Variants in ARHGAP12 observed in about 807,000 individuals in gnomAD.
ARHGAP12 encodes rho GTPase-activating protein 12.
Under a neutral mutation model 108.6 loss-of-function variants are expected in ARHGAP12, and 64 were observed. That is an observed-to-expected ratio of 0.59 (90% CI 0.48 to 0.73). The LOEUF (loss-of-function observed/expected upper bound fraction) is 0.73. ARHGAP12 is among the 30% of genes least tolerant of loss of function. ARHGAP12 has a pLI of 0.00. For missense variants in ARHGAP12, 940 were observed against 1,005.9 expected, an observed-to-expected ratio of 0.93 and a Z score of 0.89; for synonymous variants, 312 against 337.2, an observed-to-expected ratio of 0.93 and a Z score of 0.82.
chr10:31,869,383 AAAT>A (rs1273721999), intron 3 of ARHGAP12, among the ~76,000 whole-genome samples: 6 of 152,090 alleles, frequency 3.9e-5, no homozygotes, highest in Non-Finnish European at 1.5e-5. Flanking sequence ...CTAAAAATGC[AAAT>A]ATTAGCCAGG....
Position 31,807,495 on chromosome 10 carries a change from G to T in ARHGAP12, c.*163C>A. 1.8e-6 allele frequency: 1 copy of T among 544,298 alleles called. No homozygotes were observed. The highest frequency in any genetic ancestry group is 3.1e-6 in the Non-Finnish European group (1 of 320,482). 33.7% of individuals were successfully genotyped at this position (544,298 alleles called of 1,614,324 possible). ...TTGCAACAAAGCAGCAAATATGAGG[G>T]CCTAACACACATCTCGACTCTCCCC... On this transcript the variant is annotated 3_prime_UTR_variant, in exon 20 of 20. Coordinates refer to ENST00000344936, the MANE Select transcript of ARHGAP12 (RefSeq NM_018287.7).
At chr10:31,809,974 C>T (rs1834955308) in intron 16 of ARHGAP12, among the ~76,000 whole-genome samples, 1 of 152,122 alleles carries the variant, frequency 6.6e-6, no homozygotes, top group Non-Finnish European at 1.5e-5. Context: ...AGTGTAGTAT[C>T]CCTATTGCCA....
intron 3 of ARHGAP12, among the ~76,000 whole-genome samples, chr10:31,898,585 A>G (rs1322587887): frequency 2.0e-5 from 3 of 152,212 alleles, no homozygotes; most frequent in Non-Finnish European, 4.4e-5. Context: ...ATGCTGAATA[A>G]CGTTTCAGTA....
At chr10:31,866,869 C>T (rs972028055) in intron 3 of ARHGAP12, among the ~76,000 whole-genome samples, 1 of 152,034 alleles carries the variant, frequency 6.6e-6, no homozygotes, top group South Asian at 2.1e-4. Flanking sequence ...CCACCCGCCT[C>T]GGCCTCCCAA....
In ARHGAP12 at chr10:31,806,037, T is replaced by A. The variant is rs1564360030; in HGVS notation, c.*1621A>T. The A allele has an allele frequency of 6.6e-6, 1 of 151,784 alleles. No homozygotes were observed. Among genetic ancestry groups the A allele is most frequent in the Non-Finnish European group, 1.5e-5 (1 of 67,980 alleles). The allele number at this position is 151,784 out of a possible 1,614,324, so 9.4% of individuals were successfully genotyped here. On this transcript the variant is annotated 3_prime_UTR_variant, in exon 20 of 20. Coordinates refer to ENST00000344936, the MANE Select transcript of ARHGAP12 (RefSeq NM_018287.7). ...AAATACTTGTTCCCAAGGAAGGCAA[T>A]CTGTAAATTATAAATGCAACCCTAA...
chr10:31,842,207 G>T (rs1033563261), intron 7 of ARHGAP12, among the ~76,000 whole-genome samples: 1 of 152,086 alleles, frequency 6.6e-6, no homozygotes, highest in Non-Finnish European at 1.5e-5. Context: ...TGAAGAGGCG[G>T]TAGAGTTGGT....
In ARHGAP12 at chr10:31,890,888, T is replaced by C. The variant is rs1269618999; in HGVS notation, c.684+17284A>G. On this transcript the variant is annotated intron_variant, in intron 3 of 19. Transcript: ENST00000344936. ...CACTCTTCTTAACTGAAATTCCATT[T>C]GTATAATACTTTGTAAAATATTCCC... 5.9e-5 allele frequency among the ~76,000 whole-genome samples: 9 copies of C among 152,328 alleles called. No individual in the cohort carries two copies. The South Asian group carries it at 1.2e-3, about 21-fold the overall frequency.
intron 1 of ARHGAP12, among the ~76,000 whole-genome samples, chr10:31,921,142 C>G (rs770325097): frequency 6.6e-6 from 1 of 151,818 alleles, no homozygotes; most frequent in Non-Finnish European, 1.5e-5. Flanking sequence ...AAAAACTAGC[C>G]GGGCATGGTG....
intron 3 of ARHGAP12, among the ~76,000 whole-genome samples, chr10:31,863,416 T>C (rs73253351): frequency 0.051 from 7,693 of 152,230 alleles, 651 homozygotes; most frequent in African/African-American, 0.17. Context: ...GACTAGAACT[T>C]GGGGAAATAA....
At chr10:31,843,391 T>C (rs1003078768) in intron 7 of ARHGAP12, 70 bp downstream of exon 7, 13 of 1,431,286 alleles carry the variant, frequency 9.1e-6, no homozygotes, top group Non-Finnish European at 1.2e-5. Flanking sequence ...CATAAAATAT[T>C]AGTACGAATA....
In ARHGAP12 at chr10:31,921,164, T is replaced by C. The variant is rs1839789539; in HGVS notation, c.-111+7519A>G. Among the ~76,000 whole-genome samples the C allele has an allele frequency of 2.0e-5, 3 of 152,000 alleles. No homozygotes were observed. The South Asian group carries it at 6.2e-4, about 31-fold the overall frequency. ...AGCCGGGCATGGTGATATGCACCTG[T>C]AGTCCCAGCTACTAAGGGAGGCTGA... On this transcript the variant is annotated intron_variant, in intron 1 of 19. Transcript: ENST00000344936.
At chr10:31,888,167 T>A (rs1020377777) in intron 3 of ARHGAP12, among the ~76,000 whole-genome samples, 3 of 152,144 alleles carry the variant, frequency 2.0e-5, no homozygotes, top group African/African-American at 7.2e-5. Context: ...AAAAAGAGGA[T>A]ATGACAGACA....
chr10:31,897,724 G>A (rs551601974), intron 3 of ARHGAP12, among the ~76,000 whole-genome samples: 15 of 152,088 alleles, frequency 9.9e-5, no homozygotes, highest in Non-Finnish European at 1.9e-4. Flanking sequence ...ACCAAAAATT[G>A]CAAGGCATGC....
chr10:31,836,352 C>A (rs1470499125), intron 9 of ARHGAP12, among the ~76,000 whole-genome samples: 1 of 152,020 alleles, frequency 6.6e-6, no homozygotes, highest in Admixed American at 6.5e-5. Flanking sequence ...CCCACAAAAA[C>A]CTATTTAATC....
chr10:31,915,144 T>C (rs1425036964), intron 1 of ARHGAP12, among the ~76,000 whole-genome samples: 1 of 152,216 alleles, frequency 6.6e-6, no homozygotes, highest in East Asian at 1.9e-4. Flanking sequence ...CCCAGCACTT[T>C]GGGAGACCGG....
chr10:31,812,669 C>T, intron 15 of ARHGAP12, 38 bp downstream of exon 15: 1 of 1,259,640 alleles, frequency 7.9e-7, no homozygotes, highest in Non-Finnish European at 1.1e-6. Flanking sequence ...TGACGTAGGC[C>T]AACATTCATT....
Position 31,854,189 on chromosome 10 carries a change from T to C in ARHGAP12, c.966A>G (p.Glu322=). 1 of 1,607,194 alleles carries C rather than the reference T, an allele frequency of 6.2e-7. No individual in the cohort carries two copies. The highest frequency in any genetic ancestry group is 8.5e-7 in the Non-Finnish European group (1 of 1,178,264). Residue 322 remains glutamate, a synonymous_variant, in exon 5 of 20, where the codon GAA becomes GAG. Coordinates refer to ENST00000344936, the MANE Select transcript of ARHGAP12 (RefSeq NM_018287.7). ...GGCTGTAAGAAGTGCTGTAGTAGTTTTCTTCCGATGAAAGAAGCTACAAAT... is the reference window on the plus strand; with the variant it reads ...GGCTGTAAGAAGTGCTGTAGTAGTTCTCTTCCGATGAAAGAAGCTACAAAT... The part of the protein sequence containing the change: ...PGDQELLSSE[E]NYYSTSYSQS...
chr10:31,926,325 A>C lies in ARHGAP12; in HGVS notation c.-111+2358T>G, dbSNP rs192452168. 4.0e-3 allele frequency among the ~76,000 whole-genome samples: 546 copies of C among 137,882 alleles called. 4 individuals are homozygous for C. The highest frequency in any genetic ancestry group is 0.013 in the African/African-American group (508 of 37,940). 90.5% of individuals were successfully genotyped at this position (137,882 alleles called of 152,430 possible). Reference sequence around the variant, plus strand: ...AGCCATATACCAATGAGCCGGGGCCAGCTAACTGAAGAAAAAAAAAAAAAA... The same window carrying C: ...AGCCATATACCAATGAGCCGGGGCCCGCTAACTGAAGAAAAAAAAAAAAAA... On this transcript the variant is annotated intron_variant, in intron 1 of 19. Coordinates refer to ENST00000344936, the MANE Select transcript of ARHGAP12 (RefSeq NM_018287.7).
At chr10:31,928,174 GCACACACA>G (rs60633813) in intron 1 of ARHGAP12, among the ~76,000 whole-genome samples, 16 of 149,294 alleles carry the variant, frequency 1.1e-4, no homozygotes, top group South Asian at 6.3e-4. Context: ...GGCCTTTTGC[GCACACACA>G]CACACACACA....
Sources: gnomAD v4.1 joint callset for allele counts (sites outside exome capture counted in the v4.1 genomes callset) on GRCh38, gnomAD v4.1.1 for gene constraint, MANE v1.5 for transcripts, NCBI Gene and HGNC (gene_info 2026-07-23, HGNC 2026-07-21) for gene names.